TPT1: variants seen among roughly 807,000 people sequenced by gnomAD.
The protein encoded by TPT1 is tumor protein, translationally-controlled 1.
Under a neutral mutation model 22.8 loss-of-function variants are expected in TPT1, and 5 were observed. The observed-to-expected ratio is 0.22, with a 90% CI of 0.11 to 0.46. The LOEUF (loss-of-function observed/expected upper bound fraction) is 0.46, where lower values mean the gene tolerates loss of function less well. Among genes scored for constraint, TPT1 ranks in the 20% least tolerant of loss-of-function variants. TPT1 has a pLI of 0.99. For synonymous variants in TPT1, 89 were observed against 73.6 expected (o/e 1.21, Z -1.07); for missense variants, 130 against 218.7 (o/e 0.59, Z 2.56).
chr13:45,338,830 C>T, intron 4 of TPT1, 54 bp from the exon 5 acceptor site: 2 of 1,420,788 alleles, frequency 1.4e-6, no homozygotes, highest in Non-Finnish European at 1.9e-6. Context: ...AAATACATGC[C>T]ATTCAAAACA....
At chr13:45,339,159 T>C (rs1251194114) in intron 4 of TPT1, 4 of 301,218 alleles carry the variant, frequency 1.3e-5, no homozygotes, top group African/African-American at 4.4e-5. Flanking sequence ...GCTGGAAAAT[T>C]AGAGGAAAGG....
Position 45,340,742 on chromosome 13 carries a change from C to T in TPT1, c.72G>A (p.Ala24=), listed in dbSNP as rs11552497. 5.3e-6 allele frequency: 8 copies of T among 1,522,978 alleles called. No individual in the cohort carries two copies. The highest frequency in any genetic ancestry group is 6.2e-6 in the Non-Finnish European group (7 of 1,136,620). 94.3% of individuals were successfully genotyped at this position (1,522,978 alleles called of 1,614,324 possible). The change falls in exon 2 of 6, where the codon GCG becomes GCA. Residue 24 remains alanine (A), a synonymous_variant. Coordinates refer to ENST00000530705, the MANE Select transcript of TPT1 (RefSeq NM_003295.4). The part of the protein sequence containing the change: ...FSDIYKIREI[A]DGLCLEVEGK... ...CCTCCACCTCCAGGCACAACCCGTC[C>T]GCGATCTCCCGGATCTTGTAGATGT...
Position 45,340,036 on chromosome 13 carries a change from G to A in TPT1, c.251C>T (p.Thr84Ile), listed in dbSNP as rs751335087. 1 of 1,614,176 alleles carries A rather than the reference G, an allele frequency of 6.2e-7. No homozygotes were observed. Among genetic ancestry groups the A allele is most frequent in the Non-Finnish European group, 8.5e-7 (1 of 1,180,032 alleles). The part of the protein sequence containing the change: ...MNHHLQETSF[T>I]KEAYKKYIKD... ...GATGTACTTCTTGTAGGCTTCTTTT[G>A]TGAAACTTGTTTCCTGCAGGTGATG... Residue 84 changes from threonine (T) to isoleucine (I), a missense_variant, in exon 3 of 6, where the codon ACA becomes ATA. By Grantham distance (89) the Thr-to-Ile change is moderately conservative. Transcript: ENST00000530705.
intron 2 of TPT1, 103 bp from the exon 3 acceptor site, chr13:45,340,287 A>G: frequency 7.2e-7 from 1 of 1,397,014 alleles, no homozygotes; most frequent in Non-Finnish European, 9.9e-7. Context: ...GTTCTTGCTG[A>G]AAATAAAAAA....
Position 45,333,737 on chromosome 13 carries a change from CTCT to C in TPT1, c.*3646_*3648del, listed in dbSNP as rs1878511709. Reference sequence around the variant, plus strand: ...GTATTTCATGCCTGCGACTGTTAGTCTCTTGAGTGCATTTTAATTAGACTTCCT... The same window carrying C: ...GTATTTCATGCCTGCGACTGTTAGTCTGAGTGCATTTTAATTAGACTTCCT... On this transcript the variant is annotated 3_prime_UTR_variant, in exon 6 of 6. Coordinates refer to ENST00000530705, the MANE Select transcript of TPT1 (RefSeq NM_003295.4). The C allele has an allele frequency of 6.6e-6, 1 of 152,002 alleles. No homozygotes were observed. The highest frequency in any genetic ancestry group is 2.1e-4 in the South Asian group (1 of 4,832). The allele number at this position is 152,002 out of a possible 1,614,324, so 9.4% of individuals were successfully genotyped here.
In TPT1 at chr13:45,340,149, C is replaced by A. The variant is rs548189855; in HGVS notation, c.138G>T (p.Ser46=). ...VSRTEGNIDD[S]LIGGNASAEG... is the part of the protein sequence containing the mutation. ...CAGCGGAGGCATTTCCACCAATGAG[C>A]GAGTCATCAATGTTACCTTCTGTCC... The change falls in exon 3 of 6, where the codon TCG becomes TCT. Residue 46 remains serine (S), a synonymous_variant. Transcript: ENST00000530705. 4.3e-6 allele frequency: 7 copies of A among 1,613,908 alleles called. No homozygotes were observed. The East Asian group carries it at 1.3e-4, about 31-fold the overall frequency.
intron 2 of TPT1, 98 bp from the exon 3 acceptor site, chr13:45,340,282 T>C: frequency 7.0e-7 from 1 of 1,427,718 alleles, no homozygotes; most frequent in Non-Finnish European, 9.6e-7. Flanking sequence ...TCTTAGTTCT[T>C]GCTGAAAATA....
chr13:45,338,838 A>G (rs1593556184), intron 4 of TPT1, 62 bp from the exon 5 acceptor site: 1 of 1,376,358 alleles, frequency 7.3e-7, no homozygotes, highest in Non-Finnish European at 9.9e-7. Context: ...GCCATTCAAA[A>G]CAAACTACAG....
In TPT1 at chr13:45,336,992, T is replaced by C. The variant is rs1432334326; in HGVS notation, c.*394A>G. 8.9e-5 allele frequency: 21 copies of C among 235,012 alleles called. No individual in the cohort carries two copies. The South Asian group carries it at 1.1e-3, about 12-fold the overall frequency. The allele number at this position is 235,012 out of a possible 1,614,324, so 14.6% of individuals were successfully genotyped here. A position where few individuals can be genotyped will look rare whatever the true frequency, so the allele number is the denominator to read the frequency against. ...TGTTGGCACTGCTATGAGCATGGTCTTTCCCTTTATTGCAACTCAAAATCA... is the reference window on the plus strand; with the variant it reads ...TGTTGGCACTGCTATGAGCATGGTCCTTCCCTTTATTGCAACTCAAAATCA... On this transcript the variant is annotated 3_prime_UTR_variant, in exon 6 of 6. Coordinates refer to ENST00000530705, the MANE Select transcript of TPT1 (RefSeq NM_003295.4).
chr13:45,341,164 G>A lies in TPT1; in HGVS notation c.-95C>T, dbSNP rs986813900. On this transcript the variant is annotated 5_prime_UTR_variant, in exon 1 of 6. Transcript: ENST00000530705. ...GCAGCCGGAGCGGCGCTCGGGGGGA[G>A]GGGGGAGCGGGCGGAAAAGGCCGAC... 5.0e-5 allele frequency: 77 copies of A among 1,543,546 alleles called. 1 individual carries two copies. In the Admixed American group the frequency reaches 8.4e-4, roughly 17 times the overall value.
intron 5 of TPT1, chr13:45,337,638 A>AT: frequency 6.9e-7 from 1 of 1,441,414 alleles, no homozygotes. Flanking sequence ...GCGGTAGCTC[A>AT]TTTTTCAGAA....
chr13:45,340,014 G>A lies in TPT1; in HGVS notation c.273C>T (p.Tyr91=), dbSNP rs776098357. Residue 91 remains tyrosine, a synonymous_variant, in exon 3 of 6, where the codon TAC becomes TAT. Coordinates refer to ENST00000530705, the MANE Select transcript of TPT1 (RefSeq NM_003295.4). ...TSFTKEAYKK[Y]IKDYMKSIKG... is the part of the protein sequence containing the mutation. ...CTTACGATTTCATGTAATCTTTGAT[G>A]TACTTCTTGTAGGCTTCTTTTGTGA... 2.7e-5 allele frequency: 43 copies of A among 1,613,994 alleles called. No homozygotes were observed. The African/African-American group carries it at 4.9e-4, about 19-fold the overall frequency.
chr13:45,338,817 T>C, intron 4 of TPT1, 41 bp from the exon 5 acceptor site: 1 of 1,489,016 alleles, frequency 6.7e-7, no homozygotes, highest in South Asian at 1.3e-5. Flanking sequence ...GACTATTACA[T>C]ACAAATACAT....
intron 2 of TPT1, 147 bp from the exon 3 acceptor site, chr13:45,340,331 G>T: frequency 8.9e-7 from 1 of 1,127,140 alleles, no homozygotes; most frequent in Non-Finnish European, 1.3e-6. Flanking sequence ...GTGACCCGTG[G>T]ATTTCTCAAA....
At chr13:45,340,838 C>G (rs545418084) in intron 1 of TPT1, 53 bp from the exon 2 acceptor site, 5 of 1,488,190 alleles carry the variant, frequency 3.4e-6, no homozygotes, top group Non-Finnish European at 4.5e-6. Context: ...CGCCATTTCC[C>G]GCATTTCCCG....
Position 45,335,148 on chromosome 13 carries a change from C to T in TPT1, c.*2238G>A, listed in dbSNP as rs187854753. The T allele has an allele frequency of 5.3e-5, 8 of 152,220 alleles. No homozygotes were observed. Among genetic ancestry groups the T allele is most frequent in the East Asian group, 3.9e-4 (2 of 5,182 alleles). 9.4% of individuals were successfully genotyped at this position (152,220 alleles called of 1,614,324 possible). Reference sequence around the variant, plus strand: ...TTCACATCCTTATTCTTGCCCAAAACGTCTTGACCCTAGGAATAACGAGAA... The same window carrying T: ...TTCACATCCTTATTCTTGCCCAAAATGTCTTGACCCTAGGAATAACGAGAA... On this transcript the variant is annotated 3_prime_UTR_variant, in exon 6 of 6. Transcript: ENST00000530705.
chr13:45,337,574 A>G lies in TPT1; in HGVS notation c.517-186T>C, dbSNP rs757938814. On this transcript the variant is annotated intron_variant, in intron 5 of 5. Transcript: ENST00000530705. ...GCATCCTAGTGCAAACCAAAAGAAC[A>G]ACAGTAAATTGTTCAAGGTCTATCA... The G allele has an allele frequency of 2.0e-5, 32 of 1,608,094 alleles. No homozygotes were observed. In the Middle Eastern group the frequency reaches 4.1e-3, roughly 207 times the overall value.
In TPT1 at chr13:45,337,167, T is replaced by C. The variant is rs930686838; in HGVS notation, c.*219A>G. 13 of 600,000 alleles carry C rather than the reference T, an allele frequency of 2.2e-5. No homozygotes were observed. The highest frequency in any genetic ancestry group is 2.0e-4 in the African/African-American group (11 of 53,708). The allele number at this position is 600,000 out of a possible 1,614,324, so 37.2% of individuals were successfully genotyped here. ...TAAATATGCATTAAACTAAAAGGCA[T>C]TCTCTCAAATGAGTTTAAATGCATT... On this transcript the variant is annotated 3_prime_UTR_variant, in exon 6 of 6. Coordinates refer to ENST00000530705, the MANE Select transcript of TPT1 (RefSeq NM_003295.4).
At chr13:45,340,875 C>T (rs1235271515) in intron 1 of TPT1, 90 bp from the exon 2 acceptor site, 8 of 1,456,964 alleles carry the variant, frequency 5.5e-6, no homozygotes, top group Admixed American at 2.8e-5. Context: ...CGGGATCTGC[C>T]CCTCCGTAGC....
Sources: gnomAD v4.1 joint callset for allele counts on GRCh38, gnomAD v4.1.1 for gene constraint, MANE v1.5 for transcripts, NCBI Gene and HGNC (gene_info 2026-07-23, HGNC 2026-07-21) for gene names.